ZNF613: variants seen among roughly 807,000 people sequenced by gnomAD.
ZNF613 encodes the protein zinc finger protein 613.
A neutral mutation model predicts 14.3 loss-of-function variants in ZNF613; 8 were observed. That is an observed-to-expected ratio of 0.56 (90% CI 0.33 to 1.01). The LOEUF is 1.01. ZNF613 is among the 50% of genes least tolerant of loss of function. The pLI is 0.03. For missense variants in ZNF613, 656 were observed against 741.9 expected (o/e 0.88, Z 1.35); for synonymous variants, 228 against 254.5 (o/e 0.90, Z 0.99).
chr19:51,935,250 G>A (rs753795168), intron 2 of ZNF613, among the ~76,000 whole-genome samples: 5 of 152,230 alleles, frequency 3.3e-5, no homozygotes, highest in Non-Finnish European at 5.9e-5. Context: ...CTTTGTGCCT[G>A]TGTCACTGTT....
rs376489157 is a variant in ZNF613, at chr19:51,944,993, G to T, written c.1110G>T (p.Lys370Asn). The change falls in exon 6 of 6, where the codon AAG (lysine) becomes AAT (asparagine). Residue 370 changes from lysine (K) to asparagine (N), a missense_variant. Coordinates refer to ENST00000293471, the MANE Select transcript of ZNF613 (RefSeq NM_001031721.4). ...ATCAGAAAGCTCACACAGGAGAGAA[G>T]TCATATATATGCCGTGATTGTGGAA... ...NAHQKAHTGE[K>N]SYICRDCGKG... is the part of the protein sequence containing the mutation. 6.2e-7 allele frequency: 1 copy of T among 1,613,902 alleles called. No homozygotes were observed. The highest frequency in any genetic ancestry group is 2.2e-5 in the East Asian group (1 of 44,854).
intron 3 of ZNF613, among the ~76,000 whole-genome samples, chr19:51,938,917 A>G (rs2085326393): frequency 1.3e-5 from 2 of 151,638 alleles, no homozygotes; most frequent in Admixed American, 1.3e-4. Context: ...TTGTTATTAA[A>G]TGACACATGA....
At chr19:51,940,891 G>A (rs912579606) in intron 5 of ZNF613, among the ~76,000 whole-genome samples, 182 bp downstream of exon 5, 1 of 151,992 alleles carries the variant, frequency 6.6e-6, no homozygotes, top group Non-Finnish European at 1.5e-5. Flanking sequence ...TCGTTATCGC[G>A]TCTTGGATTT....
intron 3 of ZNF613, among the ~76,000 whole-genome samples, chr19:51,940,000 C>G (rs573707740): frequency 1.0e-3 from 152 of 151,674 alleles, no homozygotes; most frequent in African/African-American, 3.6e-3. Context: ...TACACAATTA[C>G]AGAATATTTT....
At chr19:51,941,083 C>A (rs1194321948) in intron 5 of ZNF613, among the ~76,000 whole-genome samples, 1 of 152,154 alleles carries the variant, frequency 6.6e-6, no homozygotes, top group Non-Finnish European at 1.5e-5. Flanking sequence ...GCACCCGCCA[C>A]TACGCCCAGC....
At chr19:51,941,509 C>G (rs535956260) in intron 5 of ZNF613, among the ~76,000 whole-genome samples, 5 of 152,220 alleles carry the variant, frequency 3.3e-5, no homozygotes, top group Admixed American at 6.5e-5. Context: ...CTCTGTGCCC[C>G]CTTAGTAACC....
At chr19:51,931,309 A>G (rs779037337) in intron 2 of ZNF613, among the ~76,000 whole-genome samples, 24 of 152,256 alleles carry the variant, frequency 1.6e-4, no homozygotes, top group Non-Finnish European at 3.2e-4. Flanking sequence ...GTCACTTAAT[A>G]CTGATAAAAA....
intron 1 of ZNF613, among the ~76,000 whole-genome samples, chr19:51,928,426 A>C (rs1488918699): frequency 3.3e-5 from 5 of 152,350 alleles, no homozygotes; most frequent in South Asian, 2.1e-4. Flanking sequence ...GTTCAGGTCC[A>C]ACGGTACATT....
rs1399119535 is a variant in ZNF613, at chr19:51,946,143, A to G, written c.*406A>G. 6.0e-6 allele frequency: 1 copy of G among 167,676 alleles called. No homozygotes were observed. The highest frequency in any genetic ancestry group is 2.4e-5 in the African/African-American group (1 of 41,732). The allele number at this position is 167,676 out of a possible 1,614,324, so 10.4% of individuals were successfully genotyped here. ...GCCTTATCCTCAGAGGGAATCATAT[A>G]GAAATAAAACTATGAAAATGTAACT... On this transcript the variant is annotated 3_prime_UTR_variant, in exon 6 of 6. Coordinates refer to ENST00000293471, the MANE Select transcript of ZNF613 (RefSeq NM_001031721.4).
intron 2 of ZNF613, among the ~76,000 whole-genome samples, chr19:51,935,124 C>T (rs1165664357): frequency 6.6e-6 from 1 of 152,098 alleles, no homozygotes; most frequent in Non-Finnish European, 1.5e-5. Flanking sequence ...GATGCTCTCA[C>T]CATGTGAGCC....
chr19:51,932,388 C>A (rs2085273188), intron 2 of ZNF613, among the ~76,000 whole-genome samples: 1 of 146,228 alleles, frequency 6.8e-6, no homozygotes, highest in South Asian at 2.2e-4. Flanking sequence ...CAGCTCACTG[C>A]AGCCTCTGCC....
Position 51,936,230 on chromosome 19 carries a change from TC to T in ZNF613, c.13del (p.Gln5ArgfsTer4). On this transcript the variant is annotated frameshift_variant, in exon 3 of 6. Transcript: ENST00000293471. LOFTEE classifies it high-confidence loss of function. ...CCAGTAACAAAAGAAAATGATCAAG[TC>T]CCAGGTGACTTTTTGTTTGTTTTAG... The part of the protein sequence containing the change: MIK[S>X]QESLTLEDVA... The T allele has an allele frequency of 6.2e-7, 1 of 1,602,932 alleles. No individual in the cohort carries two copies. Among genetic ancestry groups the T allele is most frequent in the Non-Finnish European group, 8.5e-7 (1 of 1,174,402 alleles).
chr19:51,940,073 T>C, intron 3 of ZNF613, 136 bp from the exon 4 acceptor site: 1 of 1,131,714 alleles, frequency 8.8e-7, no homozygotes, highest in Non-Finnish European at 1.3e-6. Flanking sequence ...TATGACAATG[T>C]ATTTTTTTAA....
chr19:51,945,292 G>C lies in ZNF613; in HGVS notation c.1409G>C (p.Gly470Ala), dbSNP rs1425391315. The change falls in exon 6 of 6, where the codon GGT becomes GCT. Residue 470 changes from glycine (G) to alanine (A), a missense_variant. Transcript: ENST00000293471. ...GGAAAATCCTGCTCACACAAGTCAG[G>C]TCTCATTAACCACCAGAGAATTCAC... ...ECGKSCSHKS[G>A]LINHQRIHTG... 6.2e-7 allele frequency: 1 copy of C among 1,613,742 alleles called. No individual in the cohort carries two copies. Among genetic ancestry groups the C allele is most frequent in the Admixed American group, 1.7e-5 (1 of 59,976 alleles).
intron 5 of ZNF613, 54 bp downstream of exon 5, chr19:51,940,763 G>C: frequency 1.3e-6 from 2 of 1,488,218 alleles, no homozygotes; most frequent in Non-Finnish European, 1.8e-6. Context: ...TCACATGATA[G>C]TTGTTCAGCA....
chr19:51,930,108 A>G (rs1260113920), intron 2 of ZNF613, among the ~76,000 whole-genome samples: 2 of 152,082 alleles, frequency 1.3e-5, no homozygotes, highest in Admixed American at 6.6e-5. Context: ...ACCACTCCCT[A>G]TGCCCTACCA....
chr19:51,937,716 G>GTCTTTTT, intron 3 of ZNF613, among the ~76,000 whole-genome samples: 1 of 139,942 alleles, frequency 7.1e-6, no homozygotes, highest in African/African-American at 2.7e-5. Context: ...GACAGATGAT[G>GTCTTTTT]TCTTTTTTCT....
At chr19:51,930,782 TA>T (rs1353710080) in intron 2 of ZNF613, among the ~76,000 whole-genome samples, 1 of 152,200 alleles carries the variant, frequency 6.6e-6, no homozygotes, top group Non-Finnish European at 1.5e-5. Context: ...TTCTCTTATA[TA>T]TAAGCCTAGA....
intron 1 of ZNF613, among the ~76,000 whole-genome samples, chr19:51,928,881 GAGAAA>G (rs1254202781): frequency 6.6e-6 from 1 of 150,988 alleles, no homozygotes; most frequent in Non-Finnish European, 1.5e-5. Flanking sequence ...AAAAGAAAAG[GAGAAA>G]AGAAAAAGGA....
Sources: allele counts gnomAD v4.1 joint callset (sites outside exome capture counted in the v4.1 genomes callset), GRCh38; gene constraint gnomAD v4.1.1; transcripts MANE v1.5; gene names NCBI Gene and HGNC (gene_info 2026-07-23, HGNC 2026-07-21).